The following KIF4A variants were observed in gnomAD, a reference collection of about 807,000 sequenced individuals.
The protein encoded by KIF4A is chromosome-associated kinesin KIF4A.
A neutral mutation model predicts 105.9 loss-of-function variants in KIF4A; 7 were observed. The observed-to-expected ratio is 0.07, with a 90% CI of 0.04 to 0.12. The LOEUF (loss-of-function observed/expected upper bound fraction) is 0.12, where lower values mean the gene tolerates loss of function less well. Ranked by LOEUF, KIF4A falls within the 10% of genes least tolerant of loss-of-function variation. KIF4A has a pLI of 1.00. For synonymous variants in KIF4A, 281 were observed against 331.3 expected, an observed-to-expected ratio of 0.85 and a Z score of 1.65; for missense variants, 558 against 929.2, an observed-to-expected ratio of 0.60 and a Z score of 5.19.
intron 25 of KIF4A, among the ~76,000 whole-genome samples, chrX:70,405,141 T>C (rs952200314): frequency 2.7e-5 from 3 of 111,196 alleles, no homozygotes; most frequent in African/African-American, 6.5e-5. Flanking sequence ...TTACTTAGAA[T>C]CCTAGGGCCA....
chrX:70,400,969 A>G (rs1272068442), intron 22 of KIF4A, among the ~76,000 whole-genome samples: 1 of 107,978 alleles, frequency 9.3e-6, no homozygotes, highest in African/African-American at 3.4e-5. Flanking sequence ...GGGTTTCACC[A>G]TGTTGGCCAG....
At chrX:70,365,655 T>C (rs1250811591) in intron 15 of KIF4A, among the ~76,000 whole-genome samples, 1 of 111,618 alleles carries the variant, frequency 9.0e-6, no homozygotes, top group Non-Finnish European at 1.9e-5. Context: ...CAGTATTTTA[T>C]TGAGGATTTT....
At chrX:70,296,083 C>CTTT (rs386417082) in intron 3 of KIF4A, among the ~76,000 whole-genome samples, 771 of 64,970 alleles carry the variant, frequency 0.012, 52 homozygotes, top group South Asian at 0.014. Flanking sequence ...ATAAATGATG[C>CTTT]TTTTTTTTTT....
At chrX:70,318,315 AATG>A (rs2085877826) in intron 7 of KIF4A, among the ~76,000 whole-genome samples, 1 of 112,285 alleles carries the variant, frequency 8.9e-6, no homozygotes, top group South Asian at 3.7e-4. Context: ...TTCCATTTAA[AATG>A]ATATTTGAGA....
intron 18 of KIF4A, among the ~76,000 whole-genome samples, chrX:70,378,337 A>T (rs2086183071): frequency 9.0e-6 from 1 of 111,207 alleles, no homozygotes; most frequent in Non-Finnish European, 1.9e-5. Flanking sequence ...TTGAAGAAAG[A>T]TCTTAAACCA....
chrX:70,378,066 G>A (rs1159146827), intron 18 of KIF4A, among the ~76,000 whole-genome samples: 1 of 112,328 alleles, frequency 8.9e-6, no homozygotes, highest in African/African-American at 3.2e-5. Flanking sequence ...AATAAATAAT[G>A]GGTCTAAAAG....
chrX:70,398,748 C>T lies in KIF4A; in HGVS notation c.2489+2699C>T, dbSNP rs188451876. On this transcript the variant is annotated intron_variant, in intron 22 of 30. Transcript: ENST00000374403. Reference sequence around the variant, plus strand: ...TGTCATTCTAAAGACAGACTGTAAGCTTGTTGAAGGAAAGGACTCTACATT... The same window carrying T: ...TGTCATTCTAAAGACAGACTGTAAGTTTGTTGAAGGAAAGGACTCTACATT... 2.4e-4 allele frequency among the ~76,000 whole-genome samples: 27 copies of T among 112,018 alleles called. No homozygotes were observed. The East Asian group carries it at 6.4e-3, about 27-fold the overall frequency.
rs184757667 is a variant in KIF4A, at chrX:70,308,672, C to T, written c.778+6274C>T. Among the ~76,000 whole-genome samples, 360 of 112,315 alleles carry T rather than the reference C, an allele frequency of 3.2e-3. 2 individuals are homozygous for T. Among genetic ancestry groups the T allele is most frequent in the African/African-American group, 0.011 (350 of 30,931 alleles). On this transcript the variant is annotated intron_variant, in intron 7 of 30. Coordinates refer to ENST00000374403, the MANE Select transcript of KIF4A (RefSeq NM_012310.5). ...TCATCCAGGCTGGAGTACAGTGGCA[C>T]GATCTCGGCTCACTGCAACCTCCGC...
At chrX:70,318,350 A>G (rs1385215320) in intron 7 of KIF4A, among the ~76,000 whole-genome samples, 1 of 111,889 alleles carries the variant, frequency 8.9e-6, no homozygotes, top group African/African-American at 3.2e-5. Context: ...TACATTACAT[A>G]CAGCTGTAGT....
chrX:70,398,318 G>A (rs752051182), intron 22 of KIF4A, among the ~76,000 whole-genome samples: 3 of 112,495 alleles, frequency 2.7e-5, no homozygotes, highest in Non-Finnish European at 5.6e-5. Context: ...GATTACAGGT[G>A]TGAGCCATTG....
In KIF4A at chrX:70,343,781, T is replaced by C; in HGVS notation, c.1325+20T>C. The C allele has an allele frequency of 1.7e-6, 2 of 1,206,029 alleles. No homozygotes were observed. Among genetic ancestry groups the C allele is most frequent in the Non-Finnish European group, 2.2e-6 (2 of 890,191 alleles). On this transcript the variant is annotated intron_variant, in intron 12 of 30. Transcript: ENST00000374403. ...TGCGGCGTAAGTTGCCCACCAGATATTTGTTAGCAACCTATAGCATCTTAG... is the reference window on the plus strand; with the variant it reads ...TGCGGCGTAAGTTGCCCACCAGATACTTGTTAGCAACCTATAGCATCTTAG...
At chrX:70,365,039 T>G (rs1415775508) in intron 15 of KIF4A, among the ~76,000 whole-genome samples, 99 of 111,728 alleles carry the variant, frequency 8.9e-4, no homozygotes, top group African/African-American at 3.2e-3. Flanking sequence ...TTTGGCTCTC[T>G]GTTTGTCTGT....
chrX:70,356,411 C>T (rs1156279133), intron 15 of KIF4A, among the ~76,000 whole-genome samples: 1 of 111,219 alleles, frequency 9.0e-6, no homozygotes, highest in Non-Finnish European at 1.9e-5. Context: ...CCTGTCTCTA[C>T]TAAAAATACA....
chrX:70,325,489 A>G (rs1009861815), intron 7 of KIF4A, among the ~76,000 whole-genome samples: 1 of 110,800 alleles, frequency 9.0e-6, no homozygotes, highest in Non-Finnish European at 1.9e-5. Context: ...CGTTGCCCAC[A>G]CTGGTCTAGA....
At chrX:70,367,329 C>T (rs1386572542) in intron 15 of KIF4A, among the ~76,000 whole-genome samples, 2 of 111,469 alleles carry the variant, frequency 1.8e-5, no homozygotes, top group Non-Finnish European at 1.9e-5. Context: ...TTAGTTGATG[C>T]AGTTTCTTCC....
intron 18 of KIF4A, among the ~76,000 whole-genome samples, chrX:70,384,872 A>G (rs2086211819): frequency 9.3e-6 from 1 of 107,831 alleles, no homozygotes; most frequent in African/African-American, 3.4e-5. Flanking sequence ...GCTGGAGTAC[A>G]ATGGCACCAT....
In KIF4A at chrX:70,387,219, C is replaced by G; in HGVS notation, c.2154C>G (p.Leu718=). ...CCAACAAGCGTCTCAAGGATGCTCTCCAGAAACAACGGGAGGTTGCAGATA... is the reference window on the plus strand; with the variant it reads ...CCAACAAGCGTCTCAAGGATGCTCTGCAGAAACAACGGGAGGTTGCAGATA... ...AAANKRLKDA[L]QKQREVADKR... is the part of the protein sequence containing the mutation. The change falls in exon 20 of 31, where the codon CTC becomes CTG. Residue 718 remains leucine (L), a synonymous_variant. Coordinates refer to ENST00000374403, the MANE Select transcript of KIF4A (RefSeq NM_012310.5). The G allele has an allele frequency of 8.4e-7, 1 of 1,188,692 alleles. No homozygotes were observed. Among genetic ancestry groups the G allele is most frequent in the Non-Finnish European group, 1.1e-6 (1 of 883,745 alleles).
intron 10 of KIF4A, among the ~76,000 whole-genome samples, chrX:70,336,231 C>T (rs2085950031): frequency 8.9e-6 from 1 of 111,772 alleles, no homozygotes; most frequent in Non-Finnish European, 1.9e-5. Flanking sequence ...GGACATGTGC[C>T]ATACATATCA....
intron 7 of KIF4A, among the ~76,000 whole-genome samples, chrX:70,312,139 TC>T (rs1264342013): frequency 2.0e-5 from 2 of 101,508 alleles, no homozygotes; most frequent in African/African-American, 7.2e-5. Context: ...CTTTTAAATG[TC>T]TTTTTTTTTT....
Sources: gnomAD v4.1 joint callset for allele counts (sites outside exome capture counted in the v4.1 genomes callset) on GRCh38, gnomAD v4.1.1 for gene constraint, MANE v1.5 for transcripts, NCBI Gene and HGNC (gene_info 2026-07-23, HGNC 2026-07-21) for gene names.